The following CENPS variants were observed in gnomAD, a reference collection of about 807,000 sequenced individuals.
CENPS encodes FANCM associated histone fold protein 1.
A neutral mutation model predicts 17.9 loss-of-function variants in CENPS; 16 were observed. That is an observed-to-expected ratio of 0.90 (90% CI 0.61 to 1.36). The LOEUF is 1.36. Ranked by LOEUF, CENPS falls within the 40% of genes most tolerant of loss-of-function variation. The pLI is 0.00. For synonymous variants in CENPS, 49 were observed against 55.8 expected (o/e 0.88, Z 0.54); for missense variants, 160 against 158.6 (o/e 1.01, Z -0.05).
chr1:10,436,642 G>A (rs1640171894), intron 3 of CENPS, among the ~76,000 whole-genome samples: 1 of 150,212 alleles, frequency 6.7e-6, no homozygotes, highest in African/African-American at 2.4e-5. Flanking sequence ...GGAGGTGGAG[G>A]TTGCAGTGAG....
chr1:10,442,089 AAG>A (rs1404731508), intron 4 of CENPS, among the ~76,000 whole-genome samples, 174 bp from the exon 5 acceptor site: 1 of 133,664 alleles, frequency 7.5e-6, no homozygotes, highest in South Asian at 2.6e-4. Flanking sequence ...TTTAAAAAAA[AAG>A]AAAAAAAAAA....
At position 10,442,451 on chromosome 1, in the gene CENPS, C is replaced by T; in HGVS notation, c.*46C>T. 6.7e-7 allele frequency: 1 copy of T among 1,484,700 alleles called. No individual in the cohort carries two copies. The highest frequency in any genetic ancestry group is 8.9e-7 in the Non-Finnish European group (1 of 1,123,506). 92.0% of individuals were successfully genotyped at this position (1,484,700 alleles called of 1,614,324 possible). A position where few individuals can be genotyped will look rare whatever the true frequency, so the allele number is the denominator to read the frequency against. ...GTGCAGCCTTCTACAGGTAGAGCCA[C>T]CTAGAAATGCATATGGCTGCAAAGG... is the stretch of plus-strand genomic sequence containing the variant. On this transcript the variant is annotated 3_prime_UTR_variant, in exon 5 of 5. Coordinates refer to ENST00000309048, the MANE Select transcript of CENPS (RefSeq NM_199294.3).
intron 3 of CENPS, among the ~76,000 whole-genome samples, chr1:10,435,708 T>C (rs201071645): frequency 0.44 from 62,084 of 142,162 alleles, 13,934 homozygotes; most frequent in South Asian, 0.56. Context: ...AAATAATATA[T>C]ATATATATAC....
intron 1 of CENPS, chr1:10,431,454 GCT>G (rs1639910128): frequency 3.9e-6 from 6 of 1,524,896 alleles, no homozygotes; most frequent in African/African-American, 2.7e-5. Flanking sequence ...TTAGCATTTT[GCT>G]CTGTTTGCTC....
At chr1:10,431,477 C>G in intron 1 of CENPS, 1 of 1,463,560 alleles carries the variant, frequency 6.8e-7, no homozygotes, top group Non-Finnish European at 9.2e-7. Flanking sequence ...CCATGCTTCC[C>G]TCCCAGCCCC....
At chr1:10,430,820 G>A in intron 1 of CENPS, 7 of 1,349,964 alleles carry the variant, frequency 5.2e-6, no homozygotes, top group Non-Finnish European at 6.6e-6. Flanking sequence ...GCCGGGGTCC[G>A]GCGGCGAGAG....
intron 1 of CENPS, among the ~76,000 whole-genome samples, chr1:10,431,855 G>GGAAA (rs1553176632): frequency 1.7e-5 from 2 of 118,772 alleles, no homozygotes; most frequent in African/African-American, 3.1e-5. Context: ...CTCCATCTCA[G>GGAAA]AAAAAAAAAA....
rs1328657183 is a variant in CENPS at position 10,433,983 on chromosome 1, C to A, written c.175+18C>A. 5 of 1,613,856 alleles carry A rather than the reference C, an allele frequency of 3.1e-6. No individual in the cohort carries two copies. The highest frequency in any genetic ancestry group is 4.2e-6 in the Non-Finnish European group (5 of 1,179,936). On this transcript the variant is annotated intron_variant, in intron 2 of 4. Transcript: ENST00000309048. ...ACAGTGTGGTATGAAGCTTCGGCCT[C>A]CCCAGCCATGTCTGTAAACCCCAAA...
At chr1:10,434,568 C>A (rs1321604167) in intron 2 of CENPS, 89 bp from the exon 3 acceptor site, 2 of 1,579,648 alleles carry the variant, frequency 1.3e-6, no homozygotes, top group African/African-American at 2.7e-5. Flanking sequence ...AGTCACTGTA[C>A]TGGCTGTAGA....
chr1:10,436,188 G>A (rs1245448299), intron 3 of CENPS, among the ~76,000 whole-genome samples: 1 of 151,138 alleles, frequency 6.6e-6, no homozygotes, highest in African/African-American at 2.4e-5. Context: ...ATGTTGGCCA[G>A]GGCGGTCTTG....
intron 4 of CENPS, among the ~76,000 whole-genome samples, chr1:10,441,847 G>C (rs978845626): frequency 6.7e-6 from 1 of 150,250 alleles, no homozygotes; most frequent in East Asian, 2.0e-4. Context: ...GGATGGTCTC[G>C]ATCTCCTGAG....
At chr1:10,431,196 G>A in intron 1 of CENPS, 2 of 1,499,566 alleles carry the variant, frequency 1.3e-6, no homozygotes, top group Non-Finnish European at 8.9e-7. Flanking sequence ...CCGGGCATAT[G>A]GGGCGTCAGA....
At chr1:10,440,467 CCAAT>C in intron 4 of CENPS, 54 bp downstream of exon 4, 2 of 1,600,902 alleles carry the variant, frequency 1.2e-6, no homozygotes, top group Non-Finnish European at 8.5e-7. Context: ...TACATTATTC[CCAAT>C]CAATCACTTG....
intron 3 of CENPS, among the ~76,000 whole-genome samples, chr1:10,438,017 C>T (rs1640246417): frequency 6.6e-6 from 1 of 152,228 alleles, no homozygotes; most frequent in African/African-American, 2.4e-5. Flanking sequence ...CTGCCTCGGC[C>T]TCCCAAAGTG....
In CENPS at chr1:10,431,492, T is replaced by A. The variant is rs1396107021; in HGVS notation, c.51+924T>A. The A allele has an allele frequency of 2.1e-6, 3 of 1,396,646 alleles. No homozygotes were observed. The African/African-American group carries it at 4.3e-5, about 20-fold the overall frequency. 86.5% of individuals were successfully genotyped at this position (1,396,646 alleles called of 1,614,324 possible). A position where few individuals can be genotyped will look rare whatever the true frequency, so the allele number is the denominator to read the frequency against. The stretch of plus-strand genomic sequence containing the variant: ...CCATGCTTCCCTCCCAGCCCCGCGA[T>A]TGGAGAATTAATTGCAGATATTTTG... On this transcript the variant is annotated intron_variant, in intron 1 of 4. Coordinates refer to ENST00000309048, the MANE Select transcript of CENPS (RefSeq NM_199294.3).
intron 1 of CENPS, chr1:10,431,435 C>T: frequency 3.9e-6 from 6 of 1,533,658 alleles, no homozygotes; most frequent in Non-Finnish European, 5.2e-6. Context: ...CACCTTGATT[C>T]ACCACTAGTT....
At chr1:10,438,529 T>C (rs1024944462) in intron 3 of CENPS, among the ~76,000 whole-genome samples, 3 of 152,224 alleles carry the variant, frequency 2.0e-5, no homozygotes, top group South Asian at 2.1e-4. Flanking sequence ...AAGATAGATA[T>C]TCTATAGGAA....
At chr1:10,430,642 GC>G in intron 1 of CENPS, 74 bp downstream of exon 1, 1 of 1,478,918 alleles carries the variant, frequency 6.8e-7, no homozygotes, top group Admixed American at 2.4e-5. Context: ...GTACCCGGCA[GC>G]CCCCGGCGGC....
At chr1:10,435,704 T>TACACACACACACACAC (rs1245329164) in intron 3 of CENPS, among the ~76,000 whole-genome samples, 2 of 143,560 alleles carry the variant, frequency 1.4e-5, no homozygotes, top group East Asian at 4.2e-4. Flanking sequence ...TTAAAAATAA[T>TACACACACACACACAC]ATATATATAT....
Sources: allele counts gnomAD v4.1 joint callset (sites outside exome capture counted in the v4.1 genomes callset), GRCh38; gene constraint gnomAD v4.1.1; transcripts MANE v1.5; gene names NCBI Gene and HGNC (gene_info 2026-07-23, HGNC 2026-07-21).